CELF2: variants seen among roughly 807,000 people sequenced by gnomAD.
CELF2 encodes the protein CUG triplet repeat RNA-binding protein 2.
Under a neutral mutation model 62.6 loss-of-function variants are expected in CELF2, and 8 were observed. That is an observed-to-expected ratio of 0.13 (90% CI 0.07 to 0.23). The LOEUF is 0.23. CELF2 is among the 10% of genes least tolerant of loss of function. The probability of loss-of-function intolerance (pLI) is 1.00; values close to 1 mark genes in which losing one functional copy is unlikely to be tolerated. For missense variants in CELF2, 333 were observed against 671.0 expected (o/e 0.50, Z 5.56); for synonymous variants, 258 against 250.0 (o/e 1.03, Z -0.30).
intron 3 of CELF2, among the ~76,000 whole-genome samples, chr10:11,230,723 A>G (rs557013802): frequency 1.3e-5 from 2 of 152,338 alleles, no homozygotes; most frequent in African/African-American, 4.8e-5. Context: ...TGGGACTTAC[A>G]TAGAATTAAT....
At chr10:11,144,777 A>T (rs574932085) in intron 1 of CELF2, among the ~76,000 whole-genome samples, 20 of 151,634 alleles carry the variant, frequency 1.3e-4, no homozygotes, top group Non-Finnish European at 2.4e-4. Context: ...CTGTCGTACC[A>T]GCTACTCGGG....
intron 1 of CELF2, among the ~76,000 whole-genome samples, chr10:11,101,195 C>A (rs545715480): frequency 1.1e-3 from 164 of 152,212 alleles, no homozygotes; most frequent in African/African-American, 3.8e-3. Context: ...AGCTAGTTCG[C>A]TGAAAGGGAT....
Position 11,046,226 on chromosome 10 carries a change from A to G in CELF2, c.74+28063A>G, listed in dbSNP as rs1195798276. On this transcript the variant is annotated intron_variant, in intron 1 of 12. Coordinates refer to ENST00000633077, the MANE Select transcript of CELF2 (RefSeq NM_001326342.2). This position sits in a 1 kb window ranked among gnomAD's most constrained non-coding sequence, Gnocchi z 4.6. ...AACACCGAACGCTGGGCCCATCCCC[A>G]GACGTTCCGATTCAGCGGGTCCAAG... is the stretch of plus-strand genomic sequence containing the variant. Among the ~76,000 whole-genome samples the G allele has an allele frequency of 6.6e-6, 1 of 152,196 alleles. No homozygotes were observed. Among genetic ancestry groups the G allele is most frequent in the Non-Finnish European group, 1.5e-5 (1 of 68,032 alleles).
chr10:10,955,129 CACA>C lies in CELF2; in HGVS notation c.89+35136_89+35138del, dbSNP rs2048754114. The stretch of plus-strand genomic sequence containing the variant: ...TTGTCATTCACCTCTCTTTAAACCT[CACA>C]ACAACTGCCAGAAAGATGGTGTTCT... On this transcript the variant is annotated intron_variant, in intron 2 of 13. Transcript: ENST00000636488. 5.9e-5 allele frequency among the ~76,000 whole-genome samples: 9 copies of C among 152,334 alleles called. No homozygotes were observed. In the South Asian group the frequency reaches 1.9e-3, roughly 32 times the overall value.
intron 2 of CELF2, among the ~76,000 whole-genome samples, chr10:10,966,366 C>T (rs1182316818): frequency 6.6e-6 from 1 of 152,124 alleles, no homozygotes; most frequent in East Asian, 1.9e-4. Flanking sequence ...TAGCTGTGTG[C>T]CCTGTAATAT....
the CELF2 span, among the ~76,000 whole-genome samples, chr10:10,537,111 G>A: frequency 6.6e-6 from 1 of 152,120 alleles, no homozygotes; most frequent in African/African-American, 2.4e-5. Flanking sequence ...GCAAACAAGA[G>A]GGAGGAAGCC....
At chr10:10,748,074 G>A in the CELF2 span, among the ~76,000 whole-genome samples, 1 of 152,150 alleles carries the variant, frequency 6.6e-6, no homozygotes, top group African/African-American at 2.4e-5. Context: ...TGGGAAGGCT[G>A]GCTGTATAGG....
In CELF2 at chr10:11,269,936, T is replaced by C. The variant is rs2083261029; in HGVS notation, c.619-730T>C. 6.6e-6 allele frequency among the ~76,000 whole-genome samples: 1 copy of C among 152,214 alleles called. No individual in the cohort carries two copies. Among genetic ancestry groups the C allele is most frequent in the African/African-American group, 2.4e-5 (1 of 41,452 alleles). ...GCCAAGTGGACTCCTCCGTCTGCTG[T>C]TCACGGTCTATCTTCTTTGGCTAGA... On this transcript the variant is annotated intron_variant, in intron 6 of 12. Coordinates refer to ENST00000633077, the MANE Select transcript of CELF2 (RefSeq NM_001326342.2). This position sits in a 1 kb window ranked among gnomAD's most constrained non-coding sequence, Gnocchi z 4.4.
chr10:10,731,256 A>G, the CELF2 span, among the ~76,000 whole-genome samples: 15 of 152,104 alleles, frequency 9.9e-5, no homozygotes, highest in African/African-American at 3.6e-4. Context: ...ACACACACAC[A>G]CACACACACA....
intron 2 of CELF2, among the ~76,000 whole-genome samples, chr10:10,949,505 C>G (rs1048496694): frequency 2.0e-5 from 3 of 151,858 alleles, no homozygotes; most frequent in African/African-American, 4.8e-5. Flanking sequence ...AAAACCTCAC[C>G]CAGAGGCCAG....
intron 3 of CELF2, among the ~76,000 whole-genome samples, chr10:11,241,573 A>G (rs2073915573): frequency 6.6e-6 from 1 of 152,232 alleles, no homozygotes; most frequent in Non-Finnish European, 1.5e-5. Flanking sequence ...TATTAAAGAT[A>G]TCTTAGCAAG....
rs1462493925 is a variant in CELF2 at position 11,285,105 on chromosome 10, G to A, written c.842-3313G>A. On this transcript the variant is annotated intron_variant, in intron 8 of 12. Coordinates refer to ENST00000633077, the MANE Select transcript of CELF2 (RefSeq NM_001326342.2). The surrounding 1 kb of genome is among the most constrained non-coding windows in gnomAD (Gnocchi z 4.3). Reference sequence around the variant, plus strand: ...TGATGGATGGATGGATGGGTGGGTGGGTGGATGGGCGGATGATGGATATAT... The same window carrying A: ...TGATGGATGGATGGATGGGTGGGTGAGTGGATGGGCGGATGATGGATATAT... 1.3e-5 allele frequency among the ~76,000 whole-genome samples: 2 copies of A among 151,322 alleles called. No individual in the cohort carries two copies. The highest frequency in any genetic ancestry group is 3.9e-4 in the East Asian group (2 of 5,110).
the CELF2 span, among the ~76,000 whole-genome samples, chr10:10,505,771 G>A: frequency 6.6e-6 from 1 of 152,204 alleles, no homozygotes; most frequent in South Asian, 2.1e-4. Context: ...ATAGTTTTAT[G>A]TCTTGCTAGG....
intron 2 of CELF2, among the ~76,000 whole-genome samples, chr10:10,956,804 T>G (rs929938162): frequency 1.3e-5 from 2 of 152,018 alleles, no homozygotes; most frequent in Admixed American, 6.6e-5. Context: ...TGTTGTGGTG[T>G]GCACCTATAG....
At chr10:10,556,732 G>C in the CELF2 span, among the ~76,000 whole-genome samples, 1 of 151,978 alleles carries the variant, frequency 6.6e-6, no homozygotes, top group African/African-American at 2.4e-5. Context: ...ATTCTAACTG[G>C]TGTGAGATGG....
At chr10:10,783,444 A>G in the CELF2 span, among the ~76,000 whole-genome samples, 1 of 152,142 alleles carries the variant, frequency 6.6e-6, no homozygotes, top group Non-Finnish European at 1.5e-5. Context: ...GGCAGAACAG[A>G]TTCTCTCTCA....
chr10:11,137,310 T>C (rs994083142), intron 1 of CELF2, among the ~76,000 whole-genome samples: 1 of 152,236 alleles, frequency 6.6e-6, no homozygotes, highest in African/African-American at 2.4e-5. Flanking sequence ...TACTTTTCAG[T>C]AGATCTTCTG....
chr10:10,724,773 C>T, the CELF2 span, among the ~76,000 whole-genome samples: 38 of 152,046 alleles, frequency 2.5e-4, no homozygotes, highest in South Asian at 7.7e-3. Context: ...TCTATCCTAT[C>T]TTTCTCTCAA....
intron 1 of CELF2, among the ~76,000 whole-genome samples, chr10:11,054,483 G>GTATGTT: frequency 1.1e-5 from 1 of 87,084 alleles, no homozygotes; most frequent in South Asian, 3.9e-4. Context: ...AACTGTGTAT[G>GTATGTT]TGTGTTTGTG....
Sources: gnomAD v4.1 joint callset for allele counts (sites outside exome capture counted in the v4.1 genomes callset) on GRCh38, gnomAD v4.1.1 for gene constraint, Gnocchi (gnomAD v3.1) non-coding constraint, MANE v1.5 for transcripts, NCBI Gene and HGNC (gene_info 2026-07-23, HGNC 2026-07-21) for gene names.